SLC28A1: variants seen among roughly 807,000 people sequenced by gnomAD.
SLC28A1 encodes solute carrier family 28 member 1.
A neutral mutation model predicts 74.8 loss-of-function variants in SLC28A1; 64 were observed. That is an observed-to-expected ratio of 0.86 (90% CI 0.70 to 1.05). The LOEUF is 1.05. Ranked by LOEUF, SLC28A1 falls within the 50% of genes least tolerant of loss-of-function variation. The pLI, the probability that SLC28A1 is intolerant of heterozygous loss-of-function variation, is 0.00. For missense variants in SLC28A1, 828 were observed against 822.8 expected (o/e 1.01, Z -0.08); for synonymous variants, 359 against 335.0 (o/e 1.07, Z -0.78).
chr15:84,961,845 C>T, the SLC28A1 span, among the ~76,000 whole-genome samples: 46 of 152,162 alleles, frequency 3.0e-4, no homozygotes, highest in African/African-American at 1.0e-3. Context: ...GCAGCACCTA[C>T]GACAGAGATA....
chr15:84,892,929 C>T (rs1965521901), intron 5 of SLC28A1, among the ~76,000 whole-genome samples: 1 of 152,164 alleles, frequency 6.6e-6, no homozygotes, highest in African/African-American at 2.4e-5. Flanking sequence ...AGCTCAGGTC[C>T]TGCCCGTCCC....
rs1010447657 is a variant in SLC28A1, at chr15:84,908,743, G to A, written c.743G>A (p.Gly248Asp). Residue 248 changes from glycine to aspartate, a missense_variant, in exon 9 of 19, where the codon GGC becomes GAC. Physicochemically the swap from Gly to Asp is moderately conservative, Grantham distance 94 (BLOSUM62 -1). Around this residue, in one of 3 missense-constraint regions of SLC28A1, gnomAD observed 767 missense variants for 753.5 expected, o/e 1.02. Transcript: ENST00000394573. ...ATCTTCCTGAGCTACACGAAGGCTGGCTCCAGCTTCGTGTTTGGGGAGGCG... is the reference window on the plus strand; with the variant it reads ...ATCTTCCTGAGCTACACGAAGGCTGACTCCAGCTTCGTGTTTGGGGAGGCG... ...IRIFLSYTKAGSSFVFGEALV... is the reference protein window; with the variant it reads ...IRIFLSYTKADSSFVFGEALV... 1 of 1,613,828 alleles carries A rather than the reference G, an allele frequency of 6.2e-7. No individual in the cohort carries two copies. Among genetic ancestry groups the A allele is most frequent in the Non-Finnish European group, 8.5e-7 (1 of 1,179,996 alleles).
chr15:84,899,708 A>G (rs978449176), intron 6 of SLC28A1, among the ~76,000 whole-genome samples: 2 of 152,126 alleles, frequency 1.3e-5, no homozygotes, highest in African/African-American at 4.8e-5. Context: ...AGCTGAAATA[A>G]TTTTTCAGAC....
chr15:84,907,558 T>A (rs1364593042), intron 8 of SLC28A1, among the ~76,000 whole-genome samples: 1 of 152,048 alleles, frequency 6.6e-6, no homozygotes, highest in African/African-American at 2.4e-5. Flanking sequence ...CAGGCTGGAG[T>A]GCAGTGGCGT....
At position 84,905,554 on chromosome 15, in the gene SLC28A1, G is replaced by A. The variant is rs748864076; in HGVS notation, c.619G>A (p.Val207Met). ...KHHCAVSWRAVSWGLGLQFVL... is the reference protein window; with the variant it reads ...KHHCAVSWRAMSWGLGLQFVL... ...GGGGTGGTAGGTGTCCTGGAGGGCC[G>A]TGTCTTGGGGACTTGGACTGCAGTT... The change falls in exon 8 of 19, where the codon GTG (valine) becomes ATG (methionine). Residue 207 changes from valine to methionine, a missense_variant. Physicochemically the swap from Val to Met is conservative, Grantham distance 21 (BLOSUM62 1). Around this residue, in one of 3 missense-constraint regions of SLC28A1, gnomAD observed 767 missense variants for 753.5 expected, o/e 1.02. Transcript: ENST00000394573. 80 of 1,612,708 alleles carry A rather than the reference G, an allele frequency of 5.0e-5. No homozygotes were observed. Among genetic ancestry groups the A allele is most frequent in the Middle Eastern group, 1.6e-4 (1 of 6,080 alleles).
rs1220330127 is a variant in SLC28A1 at position 84,895,596 on chromosome 15, G to C, written c.461+473G>C. The C allele has an allele frequency of 1.3e-5, 19 of 1,507,468 alleles. No homozygotes were observed. In the East Asian group the frequency reaches 4.2e-4, roughly 33 times the overall value. 93.4% of individuals were successfully genotyped at this position (1,507,468 alleles called of 1,614,324 possible). Reference sequence around the variant, plus strand: ...TTGAGATCTGCTGCTTTTCAAACTGGATTCCTTGGAGCGCTGGAAATCTCA... The same window carrying C: ...TTGAGATCTGCTGCTTTTCAAACTGCATTCCTTGGAGCGCTGGAAATCTCA... On this transcript the variant is annotated intron_variant, in intron 6 of 18. Transcript: ENST00000394573.
intron 3 of SLC28A1, among the ~76,000 whole-genome samples, chr15:84,888,119 C>T (rs1964817553): frequency 6.6e-6 from 1 of 152,156 alleles, no homozygotes; most frequent in Non-Finnish European, 1.5e-5. Flanking sequence ...TCTGAAAGGG[C>T]AGGGCAGGCC....
At chr15:84,934,702 A>C (rs2142006381) in intron 13 of SLC28A1, among the ~76,000 whole-genome samples, 1 of 152,336 alleles carries the variant, frequency 6.6e-6, no homozygotes, top group Non-Finnish European at 1.5e-5. Flanking sequence ...TCAACATGTA[A>C]CCAGTATAAT....
At chr15:84,943,933 G>A (rs1973006090) in intron 16 of SLC28A1, among the ~76,000 whole-genome samples, 1 of 152,014 alleles carries the variant, frequency 6.6e-6, no homozygotes, top group Non-Finnish European at 1.5e-5. Flanking sequence ...AGAAAAAGAT[G>A]TTCATAGAGT....
the SLC28A1 span, among the ~76,000 whole-genome samples, chr15:84,967,970 G>C: frequency 6.6e-6 from 1 of 152,162 alleles, no homozygotes; most frequent in Non-Finnish European, 1.5e-5. Flanking sequence ...TTGGAGTCAG[G>C]ATTTCCTATC....
intron 9 of SLC28A1, among the ~76,000 whole-genome samples, chr15:84,913,691 C>T (rs1447682497): frequency 2.0e-5 from 3 of 152,338 alleles, no homozygotes; most frequent in African/African-American, 7.2e-5. Flanking sequence ...GCCTCCAAAG[C>T]CATTTCTACA....
At chr15:84,974,940 T>A in the SLC28A1 span, among the ~76,000 whole-genome samples, 2 of 152,128 alleles carry the variant, frequency 1.3e-5, no homozygotes, top group Non-Finnish European at 2.9e-5. Context: ...GGCTCAGCCA[T>A]TAACATGGTA....
At position 84,924,711 on chromosome 15, in the gene SLC28A1, A is replaced by G. The variant is rs1386063268; in HGVS notation, c.1083+601A>G. The stretch of plus-strand genomic sequence containing the variant: ...TGCATCCCTCACATAATGCCCGGTA[A>G]TAATGCTTTACATTCATAAAACACC... On this transcript the variant is annotated intron_variant, in intron 12 of 18. Transcript: ENST00000394573. Among the ~76,000 whole-genome samples the G allele has an allele frequency of 4.6e-5, 7 of 152,228 alleles. No individual in the cohort carries two copies. In the East Asian group the frequency reaches 9.6e-4, roughly 21 times the overall value.
downstream of SLC28A1, among the ~76,000 whole-genome samples, chr15:84,948,037 A>G (rs2079292881): frequency 6.6e-6 from 1 of 152,180 alleles, no homozygotes. Flanking sequence ...TATAACTTGT[A>G]ATTCAGCCCA....
chr15:84,897,085 A>G (rs1280234485), intron 6 of SLC28A1, among the ~76,000 whole-genome samples: 1 of 151,738 alleles, frequency 6.6e-6, no homozygotes. Flanking sequence ...CCATTAAACC[A>G]TACACTTTTG....
chr15:84,898,129 C>CTT (rs71135316), intron 6 of SLC28A1, among the ~76,000 whole-genome samples: 16 of 147,618 alleles, frequency 1.1e-4, no homozygotes, highest in South Asian at 4.2e-4. Flanking sequence ...TATTGATTTC[C>CTT]TTTTTTTTTT....
chr15:84,969,615 A>G, the SLC28A1 span, among the ~76,000 whole-genome samples: 1 of 152,224 alleles, frequency 6.6e-6, no homozygotes, highest in Non-Finnish European at 1.5e-5. Context: ...CACAACATGC[A>G]GAGGGGCAGG....
chr15:84,920,368 C>T (rs1260120604), intron 10 of SLC28A1, among the ~76,000 whole-genome samples: 1 of 151,720 alleles, frequency 6.6e-6, no homozygotes, highest in African/African-American at 2.4e-5. Flanking sequence ...GTTGCTTGAA[C>T]CTGGGAGGCA....
At chr15:84,890,134 C>G (rs79115275) in intron 4 of SLC28A1, among the ~76,000 whole-genome samples, 2 of 149,164 alleles carry the variant, frequency 1.3e-5, no homozygotes, top group African/African-American at 4.9e-5. Flanking sequence ...CGCGCCCCCC[C>G]ACCGGCCACA....
Sources: allele counts gnomAD v4.1 joint callset (sites outside exome capture counted in the v4.1 genomes callset), GRCh38; gene constraint gnomAD v4.1.1; regional missense constraint gnomAD v4.1.1; transcripts MANE v1.5; gene names NCBI Gene and HGNC (gene_info 2026-07-23, HGNC 2026-07-21).